SLC24A3: variants seen among roughly 807,000 people sequenced by gnomAD.
SLC24A3 encodes the protein sodium/potassium/calcium exchanger 3.
Under a neutral mutation model 75.8 loss-of-function variants are expected in SLC24A3, and 28 were observed. The observed-to-expected ratio is 0.37, with a 90% CI of 0.27 to 0.51. The LOEUF is 0.51. Ranked by LOEUF, SLC24A3 falls within the 20% of genes least tolerant of loss-of-function variation. The probability of loss-of-function intolerance (pLI) is 0.94; values close to 1 mark genes in which losing one functional copy is unlikely to be tolerated. For missense variants in SLC24A3, 663 were observed against 847.8 expected, an observed-to-expected ratio of 0.78 and a Z score of 2.71; for synonymous variants, 372 against 334.1, an observed-to-expected ratio of 1.11 and a Z score of -1.24.
At chr20:19,643,529 G>T (rs1338131353) in intron 6 of SLC24A3, among the ~76,000 whole-genome samples, 1 of 152,200 alleles carries the variant, frequency 6.6e-6, no homozygotes, top group African/African-American at 2.4e-5. Flanking sequence ...AGAGATGAGA[G>T]AAATGGAGCA....
intron 3 of SLC24A3, among the ~76,000 whole-genome samples, chr20:19,571,450 A>C (rs934541822): frequency 2.0e-5 from 3 of 152,132 alleles, no homozygotes; most frequent in African/African-American, 7.2e-5. Flanking sequence ...TTCAAGGAGG[A>C]AGAGGGAGAG....
At chr20:19,576,662 T>C (rs2031140379) in intron 3 of SLC24A3, among the ~76,000 whole-genome samples, 1 of 152,216 alleles carries the variant, frequency 6.6e-6, no homozygotes, top group South Asian at 2.1e-4. Context: ...TCCTGAGTGC[T>C]TGGCAGATCT....
chr20:19,373,057 T>G, intron 2 of SLC24A3, among the ~76,000 whole-genome samples: 1 of 105,206 alleles, frequency 9.5e-6, no homozygotes, highest in Non-Finnish European at 1.8e-5. Flanking sequence ...TCTTTAGTTT[T>G]GCGATTTTTT....
At chr20:19,711,350 A>G (rs1269161442) in intron 15 of SLC24A3, among the ~76,000 whole-genome samples, 1 of 151,478 alleles carries the variant, frequency 6.6e-6, no homozygotes, top group African/African-American at 2.4e-5. Context: ...CAAACATACC[A>G]CACACATGCA....
At position 19,214,227 on chromosome 20, in the gene SLC24A3, C is replaced by T. The variant is rs1234259373; in HGVS notation, c.142+1243C>T. Among the ~76,000 whole-genome samples the T allele has an allele frequency of 4.6e-5, 7 of 152,166 alleles. No homozygotes were observed. In the East Asian group the frequency reaches 9.7e-4, roughly 21 times the overall value. The stretch of plus-strand genomic sequence containing the variant: ...GTAATAGCAGAGAGTCCGTCTTGGT[C>T]TTCAGTGAAGCTGTTCAAGACTCCA... On this transcript the variant is annotated intron_variant, in intron 1 of 16. Coordinates refer to ENST00000328041, the MANE Select transcript of SLC24A3 (RefSeq NM_020689.4).
intron 2 of SLC24A3, among the ~76,000 whole-genome samples, chr20:19,483,443 A>G (rs1988087268): frequency 6.6e-6 from 1 of 152,200 alleles, no homozygotes; most frequent in African/African-American, 2.4e-5. Context: ...ATTTCAGTGG[A>G]TTGTGGGGCT....
chr20:19,626,987 T>C (rs1535250), intron 6 of SLC24A3, among the ~76,000 whole-genome samples: 33 of 152,320 alleles, frequency 2.2e-4, no homozygotes, highest in Middle Eastern at 6.8e-3. Flanking sequence ...GAAAACATCC[T>C]ACAAGGTTAT....
At chr20:19,271,152 G>A (rs866207334) in intron 1 of SLC24A3, among the ~76,000 whole-genome samples, 1 of 152,138 alleles carries the variant, frequency 6.6e-6, no homozygotes, top group South Asian at 2.1e-4. Context: ...GAGAAAGATA[G>A]GGATGTTCTG....
chr20:19,579,653 G>A (rs1568661943), intron 3 of SLC24A3, among the ~76,000 whole-genome samples: 2 of 152,176 alleles, frequency 1.3e-5, no homozygotes, highest in Non-Finnish European at 2.9e-5. Context: ...GAAAGAGGTT[G>A]CCATTTGAGC....
intron 8 of SLC24A3, among the ~76,000 whole-genome samples, chr20:19,669,727 G>T (rs2032444073): frequency 6.6e-6 from 1 of 152,074 alleles, no homozygotes; most frequent in South Asian, 2.1e-4. Flanking sequence ...TTGCAACCTG[G>T]AAACTCTTCT....
chr20:19,286,114 G>T (rs982059231), intron 2 of SLC24A3, among the ~76,000 whole-genome samples: 1 of 152,114 alleles, frequency 6.6e-6, no homozygotes, highest in African/African-American at 2.4e-5. Flanking sequence ...GGCTTAGCTG[G>T]GCCTAAGGCC....
At chr20:19,363,674 G>C (rs753686366) in intron 2 of SLC24A3, among the ~76,000 whole-genome samples, 2 of 152,138 alleles carry the variant, frequency 1.3e-5, no homozygotes, top group Non-Finnish European at 2.9e-5. Flanking sequence ...ACACACCCTC[G>C]TGTGGCTTAT....
chr20:19,499,779 T>C (rs984442380), intron 2 of SLC24A3, among the ~76,000 whole-genome samples: 1 of 152,176 alleles, frequency 6.6e-6, no homozygotes, highest in Non-Finnish European at 1.5e-5. Flanking sequence ...CACACACACA[T>C]ACATGCATAC....
chr20:19,720,837 C>T (rs73287666), intron 16 of SLC24A3, among the ~76,000 whole-genome samples, 154 bp from the exon 17 acceptor site: 12 of 152,204 alleles, frequency 7.9e-5, no homozygotes, highest in African/African-American at 2.9e-4. Context: ...CAATCTGAGA[C>T]GAGAGGTGGA....
intron 15 of SLC24A3, among the ~76,000 whole-genome samples, chr20:19,706,753 C>A (rs570165183): frequency 6.6e-6 from 1 of 152,110 alleles, no homozygotes; most frequent in Non-Finnish European, 1.5e-5. Flanking sequence ...AAAGGACGTT[C>A]TGACAATTCC....
chr20:19,279,351 C>A (rs1983588699), intron 1 of SLC24A3, among the ~76,000 whole-genome samples: 1 of 152,228 alleles, frequency 6.6e-6, no homozygotes, highest in South Asian at 2.1e-4. Context: ...CAGGTCCCTT[C>A]TTCAGTGCCA....
At chr20:19,428,052 C>T (rs1283221756) in intron 2 of SLC24A3, among the ~76,000 whole-genome samples, 1 of 152,176 alleles carries the variant, frequency 6.6e-6, no homozygotes, top group Non-Finnish European at 1.5e-5. Context: ...GGAAGTCCAA[C>T]GTTTGGTTTG....
At chr20:19,241,611 C>T (rs996223326) in intron 1 of SLC24A3, among the ~76,000 whole-genome samples, 4 of 152,188 alleles carry the variant, frequency 2.6e-5, no homozygotes, top group Admixed American at 6.5e-5. Flanking sequence ...ATGCCCGGGG[C>T]GTTTCCCAAA....
intron 1 of SLC24A3, among the ~76,000 whole-genome samples, chr20:19,248,931 A>G (rs1189620676): frequency 2.7e-5 from 4 of 150,396 alleles, no homozygotes; most frequent in African/African-American, 9.8e-5. Context: ...TGGAATCTAA[A>G]ATAACCAGAC....
Sources: allele counts gnomAD v4.1 joint callset (sites outside exome capture counted in the v4.1 genomes callset), GRCh38; gene constraint gnomAD v4.1.1; transcripts MANE v1.5; gene names NCBI Gene and HGNC (gene_info 2026-07-23, HGNC 2026-07-21).